NBEA: variants seen among roughly 807,000 people sequenced by gnomAD.
NBEA encodes the protein neurobeachin.
NBEA carries 44 observed loss-of-function variants against 343.4 expected under a neutral mutation model. The observed-to-expected ratio is 0.13, with a 90% confidence interval of 0.10 to 0.16. The LOEUF is 0.16. Ranked by LOEUF, NBEA falls within the 10% of genes least tolerant of loss-of-function variation. The pLI is 1.00. For missense variants in NBEA, 2,555 were observed against 3,631.3 expected (o/e 0.70, Z 7.62); for synonymous variants, 1,175 against 1,238.7 (o/e 0.95, Z 1.08).
intron 38 of NBEA, among the ~76,000 whole-genome samples, chr13:35,415,077 GTTGT>G (rs2043823287): frequency 6.6e-6 from 1 of 152,162 alleles, no homozygotes; most frequent in African/African-American, 2.4e-5. Flanking sequence ...TTTTGATGGG[GTTGT>G]TTGTTTTTGT....
chr13:35,195,996 A>G lies in NBEA; in HGVS notation c.5060A>G (p.Asn1687Ser). 1.2e-6 allele frequency: 2 copies of G among 1,613,670 alleles called. No homozygotes were observed. The highest frequency in any genetic ancestry group is 1.7e-6 in the Non-Finnish European group (2 of 1,179,730). ...GAGGAGCAAGTGGCTAGCATCCTGA[A>G]TGGGGCAGAATTAGAAACAAGTACA... ...IGEEQVASIL[N>S]GAELETSTGP... The change falls in exon 31 of 59, where the codon AAT becomes AGT. Residue 1687 changes from asparagine to serine, a missense_variant. By Grantham distance (46) the Asn-to-Ser change is conservative. Coordinates refer to ENST00000379939, the MANE Select transcript of NBEA (RefSeq NM_001385012.1).
chr13:35,221,354 C>A (rs2322525), intron 33 of NBEA, among the ~76,000 whole-genome samples: 23,632 of 148,218 alleles, frequency 0.16, 2,050 homozygotes, highest in South Asian at 0.23. Context: ...AAAAAAAAAA[C>A]AAAAAACTAA....
chr13:35,582,978 C>T (rs1275414404), intron 45 of NBEA, among the ~76,000 whole-genome samples: 3 of 152,116 alleles, frequency 2.0e-5, no homozygotes, highest in Admixed American at 6.5e-5. Flanking sequence ...ATAAAGTAGA[C>T]ATTGTACTTA....
At chr13:35,573,216 G>A (rs1341065413) in intron 45 of NBEA, among the ~76,000 whole-genome samples, 1 of 152,126 alleles carries the variant, frequency 6.6e-6, no homozygotes, top group African/African-American at 2.4e-5. Flanking sequence ...AAACTCATGA[G>A]ATATTCATTT....
chr13:35,156,310 T>C, intron 20 of NBEA, 104 bp downstream of exon 20: 1 of 1,187,408 alleles, frequency 8.4e-7, no homozygotes, highest in Non-Finnish European at 1.1e-6. Context: ...GCTAAATACT[T>C]TTAATCATCA....
rs2069441771 is a variant in NBEA, at chr13:35,159,943, G to A, written c.3772G>A (p.Gly1258Arg). Residue 1258 changes from glycine (G) to arginine (R), a missense_variant, in exon 22 of 59, where the codon GGA becomes AGA. Coordinates refer to ENST00000379939, the MANE Select transcript of NBEA (RefSeq NM_001385012.1). Reference sequence around the variant, plus strand: ...CAAAATTGTACCAAATATTGATGCAGGAAGTATAATTTCAGATACTGAAAG... The same window carrying A: ...CAAAATTGTACCAAATATTGATGCAAGAAGTATAATTTCAGATACTGAAAG... ...SSKIVPNIDA[G>R]SIISDTERSD... The A allele has an allele frequency of 6.3e-7, 1 of 1,593,654 alleles. No individual in the cohort carries two copies.
At position 35,171,261 on chromosome 13, in the gene NBEA, C is replaced by T. The variant is rs372027727; in HGVS notation, c.4243-11C>T. ...TTTTAAACAAGACTTAAATCTTCTA[C>T]TTTTTTAAAGACGGAATTGGAAAAT... On this transcript the variant is annotated splice_polypyrimidine_tract_variant and intron_variant, in intron 25 of 58. Transcript: ENST00000379939. 121 of 1,604,604 alleles carry T rather than the reference C, an allele frequency of 7.5e-5. No homozygotes were observed. The highest frequency in any genetic ancestry group is 5.5e-4 in the African/African-American group (41 of 74,610).
intron 18 of NBEA, among the ~76,000 whole-genome samples, chr13:35,146,252 T>C (rs2068414274): frequency 6.6e-6 from 1 of 152,208 alleles, no homozygotes; most frequent in Non-Finnish European, 1.5e-5. Flanking sequence ...TAGAGTTTTG[T>C]AGCCTGCAGC....
intron 35 of NBEA, among the ~76,000 whole-genome samples, chr13:35,294,810 GA>G (rs2036015793): frequency 6.6e-6 from 1 of 152,044 alleles, no homozygotes; most frequent in Non-Finnish European, 1.5e-5. Context: ...GATTGTCATG[GA>G]AAAGTTTATT....
At chr13:35,377,122 T>G (rs925848178) in intron 38 of NBEA, among the ~76,000 whole-genome samples, 3 of 152,284 alleles carry the variant, frequency 2.0e-5, no homozygotes, top group Admixed American at 1.3e-4. Flanking sequence ...GTTTTAAAAT[T>G]TTGACCAAAA....
intron 41 of NBEA, among the ~76,000 whole-genome samples, chr13:35,518,033 A>G (rs2077551886): frequency 6.6e-6 from 1 of 152,144 alleles, no homozygotes; most frequent in African/African-American, 2.4e-5. Flanking sequence ...TTTCTTTCCT[A>G]ATTTACATTT....
At chr13:35,515,813 G>T (rs2077465175) in intron 41 of NBEA, among the ~76,000 whole-genome samples, 1 of 151,418 alleles carries the variant, frequency 6.6e-6, no homozygotes, top group Non-Finnish European at 1.5e-5. Flanking sequence ...GTAATTAAAA[G>T]CTTAAAATAC....
At chr13:35,161,132 T>A (rs975069259) in intron 22 of NBEA, among the ~76,000 whole-genome samples, 6 of 152,212 alleles carry the variant, frequency 3.9e-5, no homozygotes, top group African/African-American at 1.4e-4. Flanking sequence ...GCATATTGAA[T>A]TAGATACAGA....
At chr13:35,294,451 G>A (rs1347934097) in intron 35 of NBEA, among the ~76,000 whole-genome samples, 4 of 152,036 alleles carry the variant, frequency 2.6e-5, no homozygotes, top group Non-Finnish European at 5.9e-5. Context: ...TTTTTGGTGT[G>A]TATAGTAAGA....
At chr13:35,054,637 T>C (rs2063182040) in intron 6 of NBEA, among the ~76,000 whole-genome samples, 1 of 149,334 alleles carries the variant, frequency 6.7e-6, no homozygotes, top group African/African-American at 2.4e-5. Context: ...TTTTCTGTTT[T>C]CTTTTCTTTT....
At chr13:35,667,684 T>A in intron 57 of NBEA, 114 bp downstream of exon 57, 4 of 1,054,310 alleles carry the variant, frequency 3.8e-6, no homozygotes, top group Non-Finnish European at 5.5e-6. Context: ...AAATGTGTTC[T>A]AGATTAAAAG....
At chr13:34,980,561 A>G (rs1374521648) in intron 1 of NBEA, among the ~76,000 whole-genome samples, 2 of 151,940 alleles carry the variant, frequency 1.3e-5, no homozygotes, top group African/African-American at 4.8e-5. Context: ...AACATTCTGA[A>G]GAGGTGTGTC....
At chr13:35,582,620 G>GA (rs2081107162) in intron 45 of NBEA, among the ~76,000 whole-genome samples, 1 of 152,184 alleles carries the variant, frequency 6.6e-6, no homozygotes, top group East Asian at 1.9e-4. Flanking sequence ...TTTTGTGCGT[G>GA]AAAAATACAG....
At chr13:35,442,539 G>T (rs372142419) in intron 39 of NBEA, among the ~76,000 whole-genome samples, 1 of 151,990 alleles carries the variant, frequency 6.6e-6, no homozygotes, top group Non-Finnish European at 1.5e-5. Flanking sequence ...AGTTTTCTAC[G>T]TTGACTCCAT....
Sources: allele counts gnomAD v4.1 joint callset (sites outside exome capture counted in the v4.1 genomes callset), GRCh38; gene constraint gnomAD v4.1.1; transcripts MANE v1.5; gene names NCBI Gene and HGNC (gene_info 2026-07-23, HGNC 2026-07-21).